Variants in WBP2 observed in about 807,000 individuals in gnomAD.
WBP2 encodes the protein WW domain binding protein 2, also known as WW domain-binding protein 2.
Under a neutral mutation model 33.0 loss-of-function variants are expected in WBP2, and 23 were observed. The observed-to-expected ratio is 0.70, with a 90% confidence interval of 0.50 to 0.99. The LOEUF (loss-of-function observed/expected upper bound fraction) is 0.99, where lower values mean the gene tolerates loss of function less well. WBP2 is among the 50% of genes least tolerant of loss of function. The probability of loss-of-function intolerance (pLI) is 0.00; values close to 1 mark genes in which losing one functional copy is unlikely to be tolerated. For synonymous variants in WBP2, 153 were observed against 133.5 expected (o/e 1.15, Z -1.01); for missense variants, 353 against 358.0 (o/e 0.99, Z 0.11).
chr17:75,848,650 C>A lies in WBP2; in HGVS notation c.317G>T (p.Gly106Val), dbSNP rs191305526. Residue 106 changes from glycine (G) to valine (V), a missense_variant, in exon 4 of 8, where the codon GGC becomes GTC. By Grantham distance (109) the Gly-to-Val change is moderately radical. Transcript: ENST00000254806. ...GAAAGTCAACTTGTAGGAAGCAGAG[C>A]CTTCCCAGCCACCTGAAAGGGGAAG... is the stretch of plus-strand genomic sequence containing the variant. Reference protein sequence around the residue: ...VKAEAGGGWEGSASYKLTFTA... With the variant: ...VKAEAGGGWEVSASYKLTFTA... The A allele has an allele frequency of 1.2e-6, 2 of 1,613,752 alleles. No homozygotes were observed. The highest frequency in any genetic ancestry group is 2.7e-5 in the African/African-American group (2 of 75,030).
At chr17:75,848,229 T>C (rs996275759) in intron 4 of WBP2, 25 of 585,498 alleles carry the variant, frequency 4.3e-5, no homozygotes, top group Non-Finnish European at 7.3e-5. Context: ...GGAGGATGTC[T>C]GCTGGCCCAT....
At position 75,846,438 on chromosome 17, in the gene WBP2, G is replaced by C. The variant is rs1398858554; in HGVS notation, c.*296C>G. On this transcript the variant is annotated 3_prime_UTR_variant, in exon 8 of 8. Coordinates refer to ENST00000254806, the MANE Select transcript of WBP2 (RefSeq NM_012478.4). This position sits in a 1 kb window ranked among gnomAD's most constrained non-coding sequence, Gnocchi z 4.8. ...AGGTGGCCAGAGAGTCCCTTCGAGG[G>C]GAGAAGCTGAGAGTGAAACAGGAAC... The C allele has an allele frequency of 6.3e-6, 3 of 475,260 alleles. No individual in the cohort carries two copies. Among genetic ancestry groups the C allele is most frequent in the Non-Finnish European group, 7.6e-6 (2 of 263,436 alleles). The allele number at this position is 475,260 out of a possible 1,614,324, so 29.4% of individuals were successfully genotyped here. A position where few individuals can be genotyped will look rare whatever the true frequency, so the allele number is the denominator to read the frequency against.
intron 1 of WBP2, 112 bp downstream of exon 1, chr17:75,855,127 A>T: frequency 1.7e-6 from 1 of 587,196 alleles, no homozygotes; most frequent in Non-Finnish European, 2.3e-6. Flanking sequence ...CACCAACCTC[A>T]CTCCATCAGT....
At chr17:75,850,235 T>TTTTTC (rs141406180) in intron 2 of WBP2, among the ~76,000 whole-genome samples, 1 of 151,072 alleles carries the variant, frequency 6.6e-6, no homozygotes, top group Non-Finnish European at 1.5e-5. Flanking sequence ...TGGGTTTTAT[T>TTTTTC]TTTTCTTTTC....
rs996664322 is a variant in WBP2 at position 75,847,068 on chromosome 17, G to A, written c.656-84C>T. On this transcript the variant is annotated intron_variant, in intron 6 of 7. Coordinates refer to ENST00000254806, the MANE Select transcript of WBP2 (RefSeq NM_012478.4). ...AAGAGACCCCGGGCCCCCATGGCTC[G>A]GGGCAGCTGGTGCTGGGGGTCCAGT... 2.8e-5 allele frequency: 42 copies of A among 1,496,668 alleles called. 1 individual carries two copies. Among genetic ancestry groups the A allele is most frequent in the Admixed American group, 1.3e-4 (7 of 54,970 alleles). The allele number at this position is 1,496,668 out of a possible 1,614,324, so 92.7% of individuals were successfully genotyped here.
chr17:75,855,464 C>A, upstream of WBP2: 1 of 668,040 alleles, frequency 1.5e-6, no homozygotes, highest in East Asian at 2.7e-5. Flanking sequence ...TTACTCCCTC[C>A]TTCCAGTTCC....
intron 3 of WBP2, chr17:75,849,290 C>G (rs1290815028): frequency 7.2e-6 from 2 of 279,514 alleles, no homozygotes; most frequent in Non-Finnish European, 1.4e-5. Context: ...AGGCCCCTCT[C>G]AAGAACCTGA....
At position 75,848,585 on chromosome 17, in the gene WBP2, G is replaced by C. The variant is rs1434234731; in HGVS notation, c.382C>G (p.Gln128Glu). 6.2e-7 allele frequency: 1 copy of C among 1,613,900 alleles called. No individual in the cohort carries two copies. ...GCCTGGATACCTTGAGATGCCACCT[G>C]GAGCATCCGCTGTCCGAACTCAATG... ...GAIEFGQRML[Q>E]VASQASRGEV... Residue 128 changes from glutamine (Q) to glutamate (E), a missense_variant, in exon 4 of 8, where the codon CAG becomes GAG. By Grantham distance (29) the Gln-to-Glu change is conservative (BLOSUM62 2). Coordinates refer to ENST00000254806, the MANE Select transcript of WBP2 (RefSeq NM_012478.4).
chr17:75,846,962 T>C lies in WBP2; in HGVS notation c.678A>G (p.Ala226=). Residue 226 remains alanine (A), a synonymous_variant, in exon 7 of 8, where the codon GCA becomes GCG. Coordinates refer to ENST00000254806, the MANE Select transcript of WBP2 (RefSeq NM_012478.4). This position sits in a 1 kb window ranked among gnomAD's most constrained non-coding sequence, Gnocchi z 4.8. ...CTGGGTTGTAATAGGCGCTGGCGGC[T>C]GCTTCTGCGGCCTTGGCTTCGGCTG... ...TPAAEAKAAE[A]AASAYYNPGN... 6.2e-7 allele frequency: 1 copy of C among 1,614,130 alleles called. No homozygotes were observed. The highest frequency in any genetic ancestry group is 1.1e-5 in the South Asian group (1 of 91,076).
chr17:75,853,694 C>G (rs746070587), intron 1 of WBP2, among the ~76,000 whole-genome samples: 30 of 152,072 alleles, frequency 2.0e-4, no homozygotes, highest in Non-Finnish European at 3.2e-4. Context: ...TCTGCCTCCC[C>G]CCATATATCA....
At position 75,846,674 on chromosome 17, in the gene WBP2, A is replaced by C; in HGVS notation, c.*60T>G. On this transcript the variant is annotated 3_prime_UTR_variant, in exon 8 of 8. Transcript: ENST00000254806. This position sits in a 1 kb window ranked among gnomAD's most constrained non-coding sequence, Gnocchi z 4.8. ...CCCTCCCCTCCCCAAGCCCCAGCACAGCCCCGATGGGAGGGGTAGGGTAGA... is the reference window on the plus strand; with the variant it reads ...CCCTCCCCTCCCCAAGCCCCAGCACCGCCCCGATGGGAGGGGTAGGGTAGA... 6.7e-7 allele frequency: 1 copy of C among 1,496,834 alleles called. No individual in the cohort carries two copies. Among genetic ancestry groups the C allele is most frequent in the Non-Finnish European group, 9.0e-7 (1 of 1,113,476 alleles). The allele number at this position is 1,496,834 out of a possible 1,614,324, so 92.7% of individuals were successfully genotyped here. A position where few individuals can be genotyped will look rare whatever the true frequency, so the allele number is the denominator to read the frequency against.
In WBP2 at chr17:75,849,483, G is replaced by A. The variant is rs1358918068; in HGVS notation, c.304+121C>T. 20 of 1,295,772 alleles carry A rather than the reference G, an allele frequency of 1.5e-5. No individual in the cohort carries two copies. The Middle Eastern group carries it at 8.1e-4, about 53-fold the overall frequency. 80.3% of individuals were successfully genotyped at this position (1,295,772 alleles called of 1,614,324 possible). A position where few individuals can be genotyped will look rare whatever the true frequency, so the allele number is the denominator to read the frequency against. On this transcript the variant is annotated intron_variant, in intron 3 of 7. Coordinates refer to ENST00000254806, the MANE Select transcript of WBP2 (RefSeq NM_012478.4). ...CCCCACCAGCTGGCAGCCCAGAGCT[G>A]GGAAGAGGTCATGGCTAGGGCGATA...
At position 75,852,736 on chromosome 17, in the gene WBP2, T is replaced by G. The variant is rs929550560; in HGVS notation, c.60-1060A>C. 16 of 968,878 alleles carry G rather than the reference T, an allele frequency of 1.7e-5. No individual in the cohort carries two copies. In the South Asian group the frequency reaches 5.3e-4, roughly 32 times the overall value. The allele number at this position is 968,878 out of a possible 1,614,324, so 60.0% of individuals were successfully genotyped here. ...TCCCAAAGTGCAGGGATTACAGGCG[T>G]GAGCCACTGCGCCCGGCCAACTCTT... On this transcript the variant is annotated intron_variant, in intron 1 of 7. Coordinates refer to ENST00000254806, the MANE Select transcript of WBP2 (RefSeq NM_012478.4).
At position 75,851,679 on chromosome 17, in the gene WBP2, G is replaced by A. The variant is rs113373522; in HGVS notation, c.60-3C>T. The A allele has an allele frequency of 9.3e-6, 15 of 1,609,330 alleles. No individual in the cohort carries two copies. The highest frequency in any genetic ancestry group is 1.6e-4 in the Middle Eastern group (1 of 6,070). On this transcript the variant is annotated splice_polypyrimidine_tract_variant and splice_region_variant and intron_variant, in intron 1 of 7. Transcript: ENST00000254806. ...CGTGATCATAGGACATTAGGATGCT[G>A]TGATGAGAAAAGAGGAAAAGCCTCA...
intron 3 of WBP2, chr17:75,848,880 C>T (rs967236792): frequency 1.0e-4 from 59 of 585,060 alleles, no homozygotes; most frequent in Non-Finnish European, 1.8e-4. Flanking sequence ...TACTCGCTTC[C>T]CCCTTTGGAA....
chr17:75,846,580 C>A lies in WBP2; in HGVS notation c.*154G>T, dbSNP rs1421095440. The A allele has an allele frequency of 1.2e-5, 12 of 1,006,916 alleles. No individual in the cohort carries two copies. Among genetic ancestry groups the A allele is most frequent in the African/African-American group, 6.5e-5 (4 of 61,850 alleles). 62.4% of individuals were successfully genotyped at this position (1,006,916 alleles called of 1,614,324 possible). A position where few individuals can be genotyped will look rare whatever the true frequency, so the allele number is the denominator to read the frequency against. On this transcript the variant is annotated 3_prime_UTR_variant, in exon 8 of 8. Transcript: ENST00000254806. This position sits in a 1 kb window ranked among gnomAD's most constrained non-coding sequence, Gnocchi z 4.8. ...GCGGCACCTCTCCCGAGGCCGGGGGCCCTAATGTCCCACAATGCTAGTTCC... is the reference window on the plus strand; with the variant it reads ...GCGGCACCTCTCCCGAGGCCGGGGGACCTAATGTCCCACAATGCTAGTTCC...
In WBP2 at chr17:75,848,392, C is replaced by T. The variant is rs570695349; in HGVS notation, c.397+178G>A. 465 of 635,578 alleles carry T rather than the reference C, an allele frequency of 7.3e-4. 6 individuals carry two copies. In the South Asian group the frequency reaches 7.9e-3, roughly 11 times the overall value. 39.4% of individuals were successfully genotyped at this position (635,578 alleles called of 1,614,324 possible). On this transcript the variant is annotated intron_variant, in intron 4 of 7. Transcript: ENST00000254806. ...GCAGGGAAACGCAGTCTCTGAGGTA[C>T]AGGACAGAGCTGATGCCAATGACAG...
intron 3 of WBP2, chr17:75,849,318 T>G: frequency 8.8e-6 from 3 of 340,528 alleles, no homozygotes; most frequent in Non-Finnish European, 1.6e-5. Context: ...CCTTCCTGAG[T>G]CTAAAATTTG....
In WBP2 at chr17:75,847,513, C is replaced by G. The variant is rs761281499; in HGVS notation, c.629G>C (p.Gly210Ala). 6.3e-7 allele frequency: 1 copy of G among 1,590,178 alleles called. No homozygotes were observed. Among genetic ancestry groups the G allele is most frequent in the South Asian group, 1.1e-5 (1 of 87,772 alleles). ...TGCAGGAGTGGAGGGGACATCGGGG[C>G]CGCTGACCGGAGGTTCCATGGGCCC... ...YPGPMEPPVS[G>A]PDVPSTPAAE... The change falls in exon 6 of 8, where the codon GGC becomes GCC. Residue 210 changes from glycine (G) to alanine (A), a missense_variant. Gly to Ala is a moderately conservative substitution (Grantham distance 60, BLOSUM62 0). Transcript: ENST00000254806.
Sources: gnomAD v4.1 joint callset for allele counts (sites outside exome capture counted in the v4.1 genomes callset) on GRCh38, gnomAD v4.1.1 for gene constraint, Gnocchi (gnomAD v3.1) non-coding constraint, MANE v1.5 for transcripts, NCBI Gene and HGNC (gene_info 2026-07-23, HGNC 2026-07-21) for gene names.